Variants in EML6 observed in about 807,000 individuals in gnomAD.
EML6 encodes the protein echinoderm microtubule-associated protein-like 6.
EML6 carries 154 observed loss-of-function variants against 240.1 expected under a neutral mutation model. The observed-to-expected ratio is 0.64, with a 90% confidence interval of 0.56 to 0.73. The LOEUF (loss-of-function observed/expected upper bound fraction) is 0.73, where lower values mean the gene tolerates loss of function less well. Ranked by LOEUF, EML6 falls within the 30% of genes least tolerant of loss-of-function variation. EML6 has a pLI of 0.00. For missense variants in EML6, 2,964 were observed against 2,474.6 expected, an observed-to-expected ratio of 1.20 and a Z score of -4.20; for synonymous variants, 1,148 against 899.0, an observed-to-expected ratio of 1.28 and a Z score of -4.95.
rs1415344231 is a variant in EML6 at position 54,829,170 on chromosome 2, G to A, written c.712-172G>A. ...ATTATGATTTTTTAAATGTAGCTGAGATGAACAGTGTTATAAATGGCTACT... is the reference window on the plus strand; with the variant it reads ...ATTATGATTTTTTAAATGTAGCTGAAATGAACAGTGTTATAAATGGCTACT... On this transcript the variant is annotated intron_variant, in intron 6 of 41. Transcript: ENST00000356458. Among the ~76,000 whole-genome samples the A allele has an allele frequency of 2.6e-5, 4 of 152,286 alleles. No individual in the cohort carries two copies. In the East Asian group the frequency reaches 7.7e-4, roughly 29 times the overall value.
chr2:54,926,901 T>C (rs913828764), intron 26 of EML6, among the ~76,000 whole-genome samples: 3 of 152,214 alleles, frequency 2.0e-5, no homozygotes, highest in Non-Finnish European at 4.4e-5. Context: ...TGTGTCCCTC[T>C]TATAAGTTGA....
intron 28 of EML6, among the ~76,000 whole-genome samples, chr2:54,935,606 A>T (rs1343971267): frequency 3.3e-5 from 5 of 152,258 alleles, no homozygotes; most frequent in Non-Finnish European, 7.3e-5. Flanking sequence ...CCACCATCTG[A>T]GCGTGCCACA....
chr2:54,744,873 G>A (rs189111751), intron 2 of EML6, among the ~76,000 whole-genome samples: 1 of 147,728 alleles, frequency 6.8e-6, no homozygotes, highest in Admixed American at 6.8e-5. Flanking sequence ...TAGAAGGATG[G>A]GAATGCATGT....
chr2:54,966,957 T>C (rs1177604184), intron 38 of EML6, 43 bp from the exon 39 acceptor site: 2 of 1,330,806 alleles, frequency 1.5e-6, no homozygotes, highest in Non-Finnish European at 1.1e-6. Flanking sequence ...TCTGTGGGAC[T>C]GAGAAAGAAC....
intron 28 of EML6, among the ~76,000 whole-genome samples, chr2:54,942,611 G>A (rs903371967): frequency 6.6e-6 from 1 of 151,996 alleles, no homozygotes; most frequent in Non-Finnish European, 1.5e-5. Flanking sequence ...ACTCCCTCTC[G>A]CTCATTTGAA....
intron 2 of EML6, among the ~76,000 whole-genome samples, chr2:54,791,353 T>G (rs1221874147): frequency 5.3e-5 from 8 of 152,214 alleles, no homozygotes; most frequent in Non-Finnish European, 4.4e-5. Context: ...CTGTCCAGTT[T>G]GATTTCAACA....
Position 54,869,244 on chromosome 2 carries a change from C to T in EML6, c.2115C>T (p.His705=), listed in dbSNP as rs191694417. 8,194 of 1,551,612 alleles carry T rather than the reference C, an allele frequency of 5.3e-3. 34 individuals carry two copies. Among genetic ancestry groups the T allele is most frequent in the Non-Finnish European group, 6.6e-3 (7,538 of 1,146,742 alleles). ...FYTQAGEVVY[H]IAAVAVVYNR... ...CACAAGCTGGAGAAGTAGTCTACCA[C>T]ATTGCTGCAGTTGCTGTCGTGTATA... is the stretch of plus-strand genomic sequence containing the variant. The change falls in exon 15 of 42, where the codon CAC becomes CAT. Residue 705 remains histidine (H), a synonymous_variant. Transcript: ENST00000356458.
intron 35 of EML6, among the ~76,000 whole-genome samples, chr2:54,961,712 C>G (rs1394531929): frequency 6.6e-6 from 1 of 151,580 alleles, no homozygotes; most frequent in Non-Finnish European, 1.5e-5. Flanking sequence ...TTGTTAAAAA[C>G]AAAACACTGG....
intron 17 of EML6, among the ~76,000 whole-genome samples, chr2:54,883,729 TGTGTGCACAA>T (rs2104011288): frequency 6.6e-6 from 1 of 152,336 alleles, no homozygotes; most frequent in South Asian, 2.1e-4. Context: ...CACATGCACA[TGTGTGCACAA>T]ACACACCTAC....
rs930284059 is a variant in EML6, at chr2:54,725,024, C to T, written c.-38C>T. The T allele has an allele frequency of 2.1e-6, 3 of 1,462,560 alleles. No individual in the cohort carries two copies. The highest frequency in any genetic ancestry group is 3.0e-5 in the East Asian group (1 of 33,240). The allele number at this position is 1,462,560 out of a possible 1,614,324, so 90.6% of individuals were successfully genotyped here. On this transcript the variant is annotated 5_prime_UTR_variant, in exon 2 of 42. Coordinates refer to ENST00000356458, the MANE Select transcript of EML6 (RefSeq NM_001039753.4). The surrounding 1 kb of genome is among the most constrained non-coding windows in gnomAD (Gnocchi z 4.3). ...CCAGCCTCGGCGAGGACGGCCCCGG[C>T]GCGCGGGGGGGCGGGGGGCGCGCGG...
chr2:54,816,841 A>G lies in EML6; in HGVS notation c.412A>G (p.Arg138Gly). Residue 138 changes from arginine (R) to glycine (G), a missense_variant, in exon 4 of 42, where the codon AGG (arginine) becomes GGG (glycine). Coordinates refer to ENST00000356458, the MANE Select transcript of EML6 (RefSeq NM_001039753.4). ...AKNTVCIWDW[R>G]KGKLLASATG... ...AAACACAGTCTGCATTTGGGACTGG[A>G]GGAAGGGAAAACTTCTGGCGTCAGC... is the stretch of plus-strand genomic sequence containing the variant. 1 of 1,551,546 alleles carries G rather than the reference A, an allele frequency of 6.4e-7. No individual in the cohort carries two copies. Among genetic ancestry groups the G allele is most frequent in the Non-Finnish European group, 8.7e-7 (1 of 1,146,854 alleles).
At chr2:54,942,581 G>C (rs1331488546) in intron 28 of EML6, among the ~76,000 whole-genome samples, 2 of 152,142 alleles carry the variant, frequency 1.3e-5, no homozygotes, top group Non-Finnish European at 2.9e-5. Flanking sequence ...TTTAAACTAT[G>C]TTGGCGTGCT....
At chr2:54,752,310 T>G (rs1684212211) in intron 2 of EML6, among the ~76,000 whole-genome samples, 1 of 152,230 alleles carries the variant, frequency 6.6e-6, no homozygotes, top group Non-Finnish European at 1.5e-5. Context: ...ACTTCTTAAT[T>G]GAAATATAAC....
chr2:54,903,342 C>T (rs771347626), intron 23 of EML6, 29 bp from the exon 24 acceptor site: 14 of 1,545,138 alleles, frequency 9.1e-6, no homozygotes, highest in East Asian at 2.4e-5. Context: ...TAAAATGCTT[C>T]GATGTTAACC....
intron 2 of EML6, among the ~76,000 whole-genome samples, chr2:54,785,170 C>CTTT (rs57639955): frequency 9.7e-6 from 1 of 102,638 alleles, no homozygotes; most frequent in South Asian, 3.4e-4. Flanking sequence ...CACACACACA[C>CTTT]TTTTTTTTTT....
At chr2:54,836,938 G>C (rs1251548874) in intron 7 of EML6, among the ~76,000 whole-genome samples, 2 of 152,158 alleles carry the variant, frequency 1.3e-5, no homozygotes, top group African/African-American at 4.8e-5. Flanking sequence ...AAGGCCCAGA[G>C]CTCCTGTGCC....
At chr2:54,893,516 A>G (rs1672591942) in intron 19 of EML6, among the ~76,000 whole-genome samples, 1 of 152,204 alleles carries the variant, frequency 6.6e-6, no homozygotes, top group African/African-American at 2.4e-5. Flanking sequence ...AAGTTCCCAC[A>G]TCTTAGTACT....
chr2:54,791,291 G>A (rs1232406918), intron 2 of EML6, among the ~76,000 whole-genome samples: 1 of 152,062 alleles, frequency 6.6e-6, no homozygotes, highest in Non-Finnish European at 1.5e-5. Context: ...CACGCAAGTG[G>A]GTCTTTTTCT....
chr2:54,863,743 CAG>C, intron 12 of EML6, 38 bp from the exon 13 acceptor site: 1 of 1,073,464 alleles, frequency 9.3e-7, no homozygotes, highest in Non-Finnish European at 1.4e-6. Context: ...CTCAGAGTCT[CAG>C]AATTTTTGCT....
Sources: allele counts gnomAD v4.1 joint callset (sites outside exome capture counted in the v4.1 genomes callset), GRCh38; gene constraint gnomAD v4.1.1; non-coding constraint Gnocchi (gnomAD v3.1); transcripts MANE v1.5; gene names NCBI Gene and HGNC (gene_info 2026-07-23, HGNC 2026-07-21).